KIAA1217: variants seen among roughly 807,000 people sequenced by gnomAD.
The protein encoded by KIAA1217 is sickle tail protein homolog.
Under a neutral mutation model 163.9 loss-of-function variants are expected in KIAA1217, and 88 were observed. The observed-to-expected ratio is 0.54, with a 90% CI of 0.45 to 0.64. KIAA1217 has a LOEUF of 0.64. Among genes scored for constraint, KIAA1217 ranks in the 30% least tolerant of loss-of-function variants. The pLI is 0.00. For missense variants in KIAA1217, 2,372 were observed against 2,475.0 expected (o/e 0.96, Z 0.88); for synonymous variants, 903 against 923.1 (o/e 0.98, Z 0.39).
At chr10:24,295,507 G>A (rs558342976) in intron 2 of KIAA1217, among the ~76,000 whole-genome samples, 4 of 151,948 alleles carry the variant, frequency 2.6e-5, no homozygotes, top group South Asian at 2.1e-4. Flanking sequence ...CCTTTCCTCC[G>A]CCCCTTTGTT....
intron 2 of KIAA1217, among the ~76,000 whole-genome samples, chr10:24,140,257 G>A (rs2064003639): frequency 6.6e-6 from 1 of 151,894 alleles, no homozygotes; most frequent in Non-Finnish European, 1.5e-5. Flanking sequence ...CTACTCAGGA[G>A]GCTGAGGCAG....
chr10:24,333,492 T>G (rs77209128), intron 2 of KIAA1217, among the ~76,000 whole-genome samples: 16,889 of 152,244 alleles, frequency 0.11, 997 homozygotes, highest in East Asian at 0.16. Context: ...TGGGCATATT[T>G]CATGATGCCA....
chr10:24,167,346 A>G (rs2065405163), intron 2 of KIAA1217, among the ~76,000 whole-genome samples: 1 of 151,738 alleles, frequency 6.6e-6, no homozygotes, highest in African/African-American at 2.4e-5. Flanking sequence ...ATATGAAGCA[A>G]ACCAATGCCC....
rs937007387 is a variant in KIAA1217 at position 24,154,167 on chromosome 10, C to T, written c.-170-65459C>T. Among the ~76,000 whole-genome samples the T allele has an allele frequency of 5.9e-4, 90 of 151,880 alleles. 1 individual carries two copies. Among genetic ancestry groups the T allele is most frequent in the South Asian group, 4.2e-4 (2 of 4,790 alleles). ...AGAGACGGGGTTTCACCGTTTTAGC[C>T]GGGATGGTCTCGATCTCCTGACCTC... On this transcript the variant is annotated intron_variant, in intron 2 of 18. Coordinates refer to the KIAA1217 transcript ENST00000376462.
At chr10:24,239,124 C>G in intron 2 of KIAA1217, 7 of 983,254 alleles carry the variant, frequency 7.1e-6, no homozygotes, top group Non-Finnish European at 8.5e-6. Context: ...TAACAAGTAG[C>G]TACTCAAAAA....
chr10:24,484,116 ATTT>A (rs917443723), intron 6 of KIAA1217, among the ~76,000 whole-genome samples: 2 of 145,208 alleles, frequency 1.4e-5, no homozygotes, highest in African/African-American at 5.1e-5. Context: ...TTTTATTTTT[ATTT>A]TTATTATATT....
chr10:23,958,485 A>C (rs1844666917), intron 1 of KIAA1217, among the ~76,000 whole-genome samples: 1 of 152,238 alleles, frequency 6.6e-6, no homozygotes, highest in African/African-American at 2.4e-5. Context: ...GCTCATAGTA[A>C]GTACAATGAA....
At chr10:24,442,667 T>G (rs2060592381) in intron 5 of KIAA1217, among the ~76,000 whole-genome samples, 1 of 152,164 alleles carries the variant, frequency 6.6e-6, no homozygotes. Flanking sequence ...TGTGTGCACA[T>G]GCATGTGTGC....
At chr10:24,519,328 G>T (rs984823239) in intron 10 of KIAA1217, among the ~76,000 whole-genome samples, 1 of 152,168 alleles carries the variant, frequency 6.6e-6, no homozygotes, top group East Asian at 1.9e-4. Context: ...CCTCGTCTCC[G>T]ATCTCCGTCT....
chr10:23,977,540 AAAG>A (rs1220870981), intron 1 of KIAA1217, among the ~76,000 whole-genome samples: 3 of 152,166 alleles, frequency 2.0e-5, no homozygotes, highest in African/African-American at 7.2e-5. Flanking sequence ...TAACAAGAAA[AAAG>A]AAGGAATGAG....
chr10:24,294,645 C>T (rs2079500677), intron 2 of KIAA1217, among the ~76,000 whole-genome samples: 1 of 152,216 alleles, frequency 6.6e-6, no homozygotes. Flanking sequence ...TACACTTCAA[C>T]CAACTGCTTC....
In KIAA1217 at chr10:24,501,458, C is replaced by G. The variant is rs1426588341; in HGVS notation, c.1914C>G (p.Gly638=). The stretch of plus-strand genomic sequence containing the variant: ...CTCCCAGCCAGCCTCCACCTGTGGG[C>G]ACCTCAGCCATCCACATGAGCCTGC... ...TVPPSQPPPV[G]TSAIHMSLLE... is the part of the protein sequence containing the mutation. Residue 638 remains glycine (G), a synonymous_variant, in exon 9 of 21, where the codon GGC becomes GGG. Coordinates refer to ENST00000376454, the MANE Select transcript of KIAA1217 (RefSeq NM_019590.5). The G allele has an allele frequency of 6.2e-7, 1 of 1,613,986 alleles. No homozygotes were observed. The highest frequency in any genetic ancestry group is 8.5e-7 in the Non-Finnish European group (1 of 1,180,010).
At chr10:24,064,933 G>C (rs564262161) in intron 2 of KIAA1217, among the ~76,000 whole-genome samples, 1 of 152,178 alleles carries the variant, frequency 6.6e-6, no homozygotes, top group Non-Finnish European at 1.5e-5. Flanking sequence ...TTGCATAGAG[G>C]TGTTTATAGT....
At chr10:24,051,425 A>T (rs943358882) in intron 2 of KIAA1217, among the ~76,000 whole-genome samples, 2 of 152,192 alleles carry the variant, frequency 1.3e-5, no homozygotes, top group Non-Finnish European at 2.9e-5. Context: ...GATACCTAGT[A>T]ATAGGATTGC....
At chr10:24,076,981 G>A (rs7073461) in intron 2 of KIAA1217, among the ~76,000 whole-genome samples, 23,877 of 150,934 alleles carry the variant, frequency 0.16, 3,844 homozygotes, top group African/African-American at 0.42. Context: ...GGTTCAAGCA[G>A]TTCTCCTGCC....
chr10:23,760,207 G>C (rs1184561228), intron 1 of KIAA1217, among the ~76,000 whole-genome samples: 1 of 152,224 alleles, frequency 6.6e-6, no homozygotes, highest in African/African-American at 2.4e-5. Flanking sequence ...TACTTGCTAA[G>C]AGCTCTGTTT....
chr10:24,458,036 C>T (rs2061985092), intron 5 of KIAA1217, among the ~76,000 whole-genome samples: 1 of 152,176 alleles, frequency 6.6e-6, no homozygotes, highest in Non-Finnish European at 1.5e-5. Flanking sequence ...GGTGTCAGAG[C>T]CTGGTGGGGA....
At chr10:24,247,251 T>C (rs1276683963) in intron 2 of KIAA1217, among the ~76,000 whole-genome samples, 2 of 152,026 alleles carry the variant, frequency 1.3e-5, no homozygotes, top group Non-Finnish European at 2.9e-5. Flanking sequence ...GTTGTACAGA[T>C]TGTTTCATCA....
At chr10:24,296,316 G>A (rs1042853456) in intron 2 of KIAA1217, among the ~76,000 whole-genome samples, 6 of 152,082 alleles carry the variant, frequency 3.9e-5, no homozygotes, top group Non-Finnish European at 8.8e-5. Context: ...TGCCAAGGCT[G>A]GTTGGTCTCA....
Sources: allele counts gnomAD v4.1 joint callset (sites outside exome capture counted in the v4.1 genomes callset), GRCh38; gene constraint gnomAD v4.1.1; transcripts MANE v1.5; gene names NCBI Gene and HGNC (gene_info 2026-07-23, HGNC 2026-07-21).